CYP4F22: variants seen among roughly 807,000 people sequenced by gnomAD.
The protein encoded by CYP4F22 is cytochrome P450 family 4 subfamily F member 22.
A neutral mutation model predicts 60.4 loss-of-function variants in CYP4F22; 37 were observed. The observed-to-expected ratio is 0.61, with a 90% CI of 0.47 to 0.81. The LOEUF (loss-of-function observed/expected upper bound fraction) is 0.81, where lower values mean the gene tolerates loss of function less well. Among genes scored for constraint, CYP4F22 ranks in the 30% least tolerant of loss-of-function variants. CYP4F22 has a pLI of 0.00. For missense variants in CYP4F22, 655 were observed against 715.0 expected, an observed-to-expected ratio of 0.92 and a Z score of 0.96; for synonymous variants, 258 against 280.5, an observed-to-expected ratio of 0.92 and a Z score of 0.80.
intron 1 of CYP4F22, among the ~76,000 whole-genome samples, chr19:15,510,966 A>ATATATATATATTTTT (rs34055543): frequency 1.9e-5 from 2 of 103,334 alleles, no homozygotes; most frequent in African/African-American, 9.2e-5. Context: ...ATATATATAT[A>ATATATATATATTTTT]TTTTTTTTTT....
chr19:15,544,375 A>G (rs987436003), intron 10 of CYP4F22, 96 bp downstream of exon 10: 1 of 1,453,566 alleles, frequency 6.9e-7, no homozygotes, highest in Non-Finnish European at 9.4e-7. Flanking sequence ...GTGACCTCAG[A>G]CAAGCCACTT....
intron 3 of CYP4F22, among the ~76,000 whole-genome samples, chr19:15,528,481 G>A (rs1186499582): frequency 1.3e-5 from 2 of 152,096 alleles, no homozygotes; most frequent in East Asian, 1.9e-4. Flanking sequence ...GGTGCAATGC[G>A]CTACTCTGCC....
At chr19:15,528,528 C>T (rs1176015309) in intron 3 of CYP4F22, among the ~76,000 whole-genome samples, 1 of 151,570 alleles carries the variant, frequency 6.6e-6, no homozygotes, top group Non-Finnish European at 1.5e-5. Context: ...CCCTGGTTGC[C>T]CTTGGTGGTA....
At chr19:15,526,102 C>T (rs1276073535) in intron 3 of CYP4F22, among the ~76,000 whole-genome samples, 8 of 152,008 alleles carry the variant, frequency 5.3e-5, no homozygotes. Context: ...GAGTTTGAGG[C>T]TGCAGTGAGC....
At chr19:15,519,783 G>C (rs1971199749) in intron 1 of CYP4F22, among the ~76,000 whole-genome samples, 1 of 152,122 alleles carries the variant, frequency 6.6e-6, no homozygotes. Flanking sequence ...CCTGTTGGCT[G>C]AATATGTTGA....
In CYP4F22 at chr19:15,544,028, A is replaced by T. The variant is rs756581830; in HGVS notation, c.997A>T (p.Met333Leu). Residue 333 changes from methionine (M) to leucine (L), a missense_variant, in exon 9 of 14, where the codon ATG becomes TTG. Physicochemically the swap from Met to Leu is conservative, Grantham distance 15. This residue lies in a region of CYP4F22 where 430 missense variants were observed against 457.1 expected (regional missense o/e 0.94). Transcript: ENST00000269703. ...EDIRAEADTF[M>L]FEGHDTTSSG... ...TATCCGAGCCGAAGCAGACACCTTC[A>T]TGTTTGAGGGTGAGGATGTGGGGTG... 1 of 1,614,050 alleles carries T rather than the reference A, an allele frequency of 6.2e-7. No individual in the cohort carries two copies. Among genetic ancestry groups the T allele is most frequent in the Non-Finnish European group, 8.5e-7 (1 of 1,180,004 alleles).
rs925261384 is a variant in CYP4F22 at position 15,526,672 on chromosome 19, C to T, written c.222+1114C>T. On this transcript the variant is annotated intron_variant, in intron 3 of 13. Transcript: ENST00000269703. ...AACCCAGCCTGTCAAGCTCTAGCCTCCTTGATCTCAGTTCTACCCTCTGAT... is the reference window on the plus strand; with the variant it reads ...AACCCAGCCTGTCAAGCTCTAGCCTTCTTGATCTCAGTTCTACCCTCTGAT... 2.0e-5 allele frequency among the ~76,000 whole-genome samples: 3 copies of T among 152,084 alleles called. No individual in the cohort carries two copies. The East Asian group carries it at 5.8e-4, about 29-fold the overall frequency.
chr19:15,510,967 T>TATATATATATATATATATATATA (rs374989279), intron 1 of CYP4F22, among the ~76,000 whole-genome samples: 2 of 52,730 alleles, frequency 3.8e-5, no homozygotes, highest in African/African-American at 9.2e-5. Flanking sequence ...TATATATATA[T>TATATATATATATATATATATATA]TTTTTTTTTT....
At chr19:15,522,400 C>T (rs557028171) in intron 1 of CYP4F22, among the ~76,000 whole-genome samples, 11 of 152,218 alleles carry the variant, frequency 7.2e-5, no homozygotes, top group South Asian at 2.1e-4. Flanking sequence ...TGCAGCTGGG[C>T]GAGGTGGCTC....
At chr19:15,526,182 G>A (rs948486880) in intron 3 of CYP4F22, among the ~76,000 whole-genome samples, 1 of 151,796 alleles carries the variant, frequency 6.6e-6, no homozygotes, top group Non-Finnish European at 1.5e-5. Flanking sequence ...AAAAAAAAAA[G>A]AACTCTCTCT....
At chr19:15,520,958 G>A (rs1971218166) in intron 1 of CYP4F22, among the ~76,000 whole-genome samples, 1 of 151,814 alleles carries the variant, frequency 6.6e-6, no homozygotes, top group African/African-American at 2.4e-5. Context: ...TAGTAGAGAC[G>A]GGGTTTCACC....
chr19:15,541,508 G>A (rs1388555640), intron 8 of CYP4F22, among the ~76,000 whole-genome samples: 1 of 150,966 alleles, frequency 6.6e-6, no homozygotes, highest in Non-Finnish European at 1.5e-5. Flanking sequence ...CTGAGGTACT[G>A]GAAGTTAGGA....
intron 8 of CYP4F22, among the ~76,000 whole-genome samples, chr19:15,543,408 T>C (rs768350673): frequency 1.3e-5 from 2 of 152,010 alleles, no homozygotes; most frequent in African/African-American, 4.8e-5. Context: ...CCCAGGCTGG[T>C]CTTGAACGCC....
chr19:15,542,932 A>T (rs541450475), intron 8 of CYP4F22, among the ~76,000 whole-genome samples: 1 of 151,870 alleles, frequency 6.6e-6, no homozygotes, highest in Non-Finnish European at 1.5e-5. Flanking sequence ...TATGTACCAC[A>T]TTTTCTTTAT....
chr19:15,536,686 C>G (rs925693554), intron 4 of CYP4F22, among the ~76,000 whole-genome samples: 1 of 152,114 alleles, frequency 6.6e-6, no homozygotes, highest in Non-Finnish European at 1.5e-5. Context: ...GACAGCTCAA[C>G]CTGGTCAAAG....
chr19:15,508,599 G>A lies in CYP4F22; in HGVS notation c.-109+16G>A, dbSNP rs1971046752. On this transcript the variant is annotated intron_variant, in intron 1 of 13. Transcript: ENST00000269703. ...AGACCCGCGGGTGAGTGCGCGCGTG[G>A]TGAGGGCTGTAACCTGAGCGCGGCC... The A allele has an allele frequency of 1.3e-5, 2 of 148,602 alleles. No individual in the cohort carries two copies. Among genetic ancestry groups the A allele is most frequent in the South Asian group, 2.1e-4 (1 of 4,834 alleles). The allele number at this position is 148,602 out of a possible 1,614,324, so 9.2% of individuals were successfully genotyped here. A position where few individuals can be genotyped will look rare whatever the true frequency, so the allele number is the denominator to read the frequency against.
chr19:15,538,681 A>G (rs1235721403), intron 7 of CYP4F22, among the ~76,000 whole-genome samples: 1 of 152,208 alleles, frequency 6.6e-6, no homozygotes, highest in African/African-American at 2.4e-5. Context: ...GGTCCTCAGT[A>G]ACAAGCTAAT....
chr19:15,537,213 A>G, intron 4 of CYP4F22, 148 bp from the exon 5 acceptor site: 1 of 1,012,390 alleles, frequency 9.9e-7, no homozygotes, highest in Non-Finnish European at 1.5e-6. Flanking sequence ...AGGCAGGAAA[A>G]CTGCTTGAAC....
intron 13 of CYP4F22, among the ~76,000 whole-genome samples, chr19:15,551,076 C>T (rs913612585): frequency 3.9e-5 from 6 of 152,300 alleles, no homozygotes; most frequent in Middle Eastern, 3.4e-3. Flanking sequence ...GGACACACAG[C>T]TAGTAAGAGG....
Sources: gnomAD v4.1 joint callset for allele counts (sites outside exome capture counted in the v4.1 genomes callset) on GRCh38, gnomAD v4.1.1 for gene constraint, gnomAD v4.1.1 regional missense constraint, MANE v1.5 for transcripts, NCBI Gene and HGNC (gene_info 2026-07-23, HGNC 2026-07-21) for gene names.